OR2G6: variants seen among roughly 807,000 people sequenced by gnomAD.
OR2G6 encodes olfactory receptor 2G6.
For synonymous variants in OR2G6, 183 were observed against 155.2 expected, an observed-to-expected ratio of 1.18 and a Z score of -1.33; for missense variants, 457 against 391.3, an observed-to-expected ratio of 1.17 and a Z score of -1.42.
At chr1:248,521,013 C>T (rs1664272906) in intron 1 of OR2G6, among the ~76,000 whole-genome samples, 1 of 145,224 alleles carries the variant, frequency 6.9e-6, no homozygotes, top group Non-Finnish European at 1.5e-5. Flanking sequence ...CTGCACTCCA[C>T]CCTGGGAGAC....
At chr1:248,521,181 G>A (rs1572067265) in intron 1 of OR2G6, among the ~76,000 whole-genome samples, 1 of 151,864 alleles carries the variant, frequency 6.6e-6, no homozygotes, top group African/African-American at 2.4e-5. Flanking sequence ...AGAGATCACG[G>A]CACTGTACTC....
Position 248,522,747 on chromosome 1 carries a change from A to G in OR2G6, c.*150A>G, listed in dbSNP as rs144781518. ...GGAAACACCTCAAGGCAGCGTGAGGATTCATCCTCCCCAGACATTCCTCTT... is the reference window on the plus strand; with the variant it reads ...GGAAACACCTCAAGGCAGCGTGAGGGTTCATCCTCCCCAGACATTCCTCTT... On this transcript the variant is annotated 3_prime_UTR_variant, in exon 2 of 2. Coordinates refer to ENST00000641804, the MANE Select transcript of OR2G6 (RefSeq NM_001013355.2). The G allele has an allele frequency of 6.4e-3, 3,798 of 591,884 alleles. 126 individuals are homozygous for G. Among genetic ancestry groups the G allele is most frequent in the African/African-American group, 0.064 (3,238 of 50,962 alleles). The allele number at this position is 591,884 out of a possible 1,614,324, so 36.7% of individuals were successfully genotyped here.
chr1:248,521,212 C>T (rs1280053934), intron 1 of OR2G6, among the ~76,000 whole-genome samples: 1 of 151,856 alleles, frequency 6.6e-6, no homozygotes, highest in African/African-American at 2.4e-5. Flanking sequence ...GACAGAACGA[C>T]TCCATCTCAA....
Position 248,526,265 on chromosome 1 carries a change from T to C in OR2G6, c.*3668T>C, listed in dbSNP as rs1242808244. 6.6e-6 allele frequency: 1 copy of C among 152,112 alleles called. No individual in the cohort carries two copies. The highest frequency in any genetic ancestry group is 1.9e-4 in the East Asian group (1 of 5,186). 9.4% of individuals were successfully genotyped at this position (152,112 alleles called of 1,614,324 possible). A position where few individuals can be genotyped will look rare whatever the true frequency, so the allele number is the denominator to read the frequency against. On this transcript the variant is annotated 3_prime_UTR_variant, in exon 2 of 2. Coordinates refer to ENST00000641804, the MANE Select transcript of OR2G6 (RefSeq NM_001013355.2). ...TGGTATTGGCATAAAAACAGACACA[T>C]GGGCCAATAGAACAGAATGGAGAAC...
Position 248,522,317 on chromosome 1 carries a change from CT to C in OR2G6, c.672del (p.Val225CysfsTer2). Reference protein sequence around the residue: ...ILVSYGFITQAVLRIKSAAGR... With the variant: ...ILVSYGFITQXVLRIKSAAGR... ...GTCTCCTATGGCTTTATCACTCAAG[CT>C]GTGTTAAGGATAAAATCAGCTGCGG... On this transcript the variant is annotated frameshift_variant, in exon 2 of 2. Transcript: ENST00000641804. LOFTEE classifies it low-confidence loss of function (END_TRUNC). The C allele has an allele frequency of 6.2e-7, 1 of 1,614,200 alleles. No individual in the cohort carries two copies. Among genetic ancestry groups the C allele is most frequent in the Non-Finnish European group, 8.5e-7 (1 of 1,180,044 alleles).
At position 248,523,605 on chromosome 1, in the gene OR2G6, GAA is replaced by G. The variant is rs1206908644; in HGVS notation, c.*1010_*1011del. On this transcript the variant is annotated 3_prime_UTR_variant, in exon 2 of 2. Coordinates refer to ENST00000641804, the MANE Select transcript of OR2G6 (RefSeq NM_001013355.2). ...TGGTTTCCAAAACAGCAAAAAAAAT[GAA>G]ATATTTAGAAGCATTTTAATAAATG... The G allele has an allele frequency of 5.3e-5, 8 of 152,072 alleles. No homozygotes were observed. Among genetic ancestry groups the G allele is most frequent in the Admixed American group, 5.2e-4 (8 of 15,256 alleles). 9.4% of individuals were successfully genotyped at this position (152,072 alleles called of 1,614,324 possible).
At position 248,521,940 on chromosome 1, in the gene OR2G6, G is replaced by A; in HGVS notation, c.294G>A (p.Val98=). Residue 98 remains valine, a synonymous_variant, in exon 2 of 2, where the codon GTG becomes GTA. Transcript: ENST00000641804. ...KDKTMSYGGC[V]AQLYVAMGLG... is the part of the protein sequence containing the mutation. ...AAACCATGAGCTACGGTGGCTGTGT[G>A]GCCCAGCTCTATGTGGCCATGGGGT... 1 of 1,614,152 alleles carries A rather than the reference G, an allele frequency of 6.2e-7. No individual in the cohort carries two copies. Among genetic ancestry groups the A allele is most frequent in the Non-Finnish European group, 8.5e-7 (1 of 1,180,032 alleles).
rs1572069657 is a variant in OR2G6 at position 248,525,134 on chromosome 1, TTGAA to T, written c.*2539_*2542del. On this transcript the variant is annotated 3_prime_UTR_variant, in exon 2 of 2. Coordinates refer to ENST00000641804, the MANE Select transcript of OR2G6 (RefSeq NM_001013355.2). ...CATTTATTAAAAATCTTCCCTATAA[TTGAA>T]TAACATGAGTAGTTTCTCTTTTTTA... 1 of 152,142 alleles carries T rather than the reference TTGAA, an allele frequency of 6.6e-6. No individual in the cohort carries two copies. The highest frequency in any genetic ancestry group is 2.4e-5 in the African/African-American group (1 of 41,408). 9.4% of individuals were successfully genotyped at this position (152,142 alleles called of 1,614,324 possible). A position where few individuals can be genotyped will look rare whatever the true frequency, so the allele number is the denominator to read the frequency against.
chr1:248,521,065 A>AT (rs1664274892), intron 1 of OR2G6, among the ~76,000 whole-genome samples: 1 of 144,138 alleles, frequency 6.9e-6, no homozygotes, highest in Non-Finnish European at 1.5e-5. Flanking sequence ...AAAAAAAAAA[A>AT]TACAACAATT....
In OR2G6 at chr1:248,522,190, C is replaced by G. The variant is rs1178603372; in HGVS notation, c.544C>G (p.Pro182Ala). 1 of 1,614,166 alleles carries G rather than the reference C, an allele frequency of 6.2e-7. No individual in the cohort carries two copies. Among genetic ancestry groups the G allele is most frequent in the Admixed American group, 1.7e-5 (1 of 60,006 alleles). Residue 182 changes from proline (P) to alanine (A), a missense_variant, in exon 2 of 2, where the codon CCA (proline) becomes GCA (alanine). Physicochemically the swap from Pro to Ala is conservative, Grantham distance 27 (BLOSUM62 -1). Coordinates refer to ENST00000641804, the MANE Select transcript of OR2G6 (RefSeq NM_001013355.2). ...RTLDHIFCEV[P>A]VLIKLACVDT... ...ACTGGATCATATTTTCTGTGAGGTGCCAGTGCTCATCAAACTGGCCTGTGT... is the reference window on the plus strand; with the variant it reads ...ACTGGATCATATTTTCTGTGAGGTGGCAGTGCTCATCAAACTGGCCTGTGT...
In OR2G6 at chr1:248,521,787, A is replaced by AT; in HGVS notation, c.141_142insT (p.Val48CysfsTer40). ...TTCTGGGGAACACTGCCCTCATACT[A>AT]GTATGTTGTCTGGACTCCAGACTCC... On this transcript the variant is annotated frameshift_variant, in exon 2 of 2. Coordinates refer to ENST00000641804, the MANE Select transcript of OR2G6 (RefSeq NM_001013355.2). LOFTEE classifies it low-confidence loss of function (END_TRUNC). 6.2e-7 allele frequency: 1 copy of AT among 1,614,046 alleles called. No individual in the cohort carries two copies. Among genetic ancestry groups the AT allele is most frequent in the Non-Finnish European group, 8.5e-7 (1 of 1,179,966 alleles).
chr1:248,522,173 A>T lies in OR2G6; in HGVS notation c.527A>T (p.His176Leu). The T allele has an allele frequency of 1.2e-6, 2 of 1,614,100 alleles. No homozygotes were observed. The highest frequency in any genetic ancestry group is 3.3e-4 in the Middle Eastern group (2 of 6,062). ...LPLCGHRTLD[H>L]IFCEVPVLIK... is the part of the protein sequence containing the mutation. ...CTCTGTGGTCATCGCACACTGGATC[A>T]TATTTTCTGTGAGGTGCCAGTGCTC... Residue 176 changes from histidine (H) to leucine (L), a missense_variant, in exon 2 of 2, where the codon CAT becomes CTT. By Grantham distance (99) the His-to-Leu change is moderately conservative. Coordinates refer to ENST00000641804, the MANE Select transcript of OR2G6 (RefSeq NM_001013355.2).
chr1:248,521,438 A>G (rs1664283416), intron 1 of OR2G6, among the ~76,000 whole-genome samples, 173 bp from the exon 2 acceptor site: 1 of 152,236 alleles, frequency 6.6e-6, no homozygotes, highest in Non-Finnish European at 1.5e-5. Flanking sequence ...ACTTTATTCA[A>G]TAAAAATAGA....
rs575732547 is a variant in OR2G6 at position 248,523,731 on chromosome 1, C to T, written c.*1134C>T. ...CTCAGCCTCTTTCTTGCTTTCTTTT[C>T]CCAAAACGATTGAACTTCATCAATT... On this transcript the variant is annotated 3_prime_UTR_variant, in exon 2 of 2. Coordinates refer to ENST00000641804, the MANE Select transcript of OR2G6 (RefSeq NM_001013355.2). 1.3e-5 allele frequency: 2 copies of T among 152,196 alleles called. No homozygotes were observed. The highest frequency in any genetic ancestry group is 1.3e-4 in the Admixed American group (2 of 15,272). The allele number at this position is 152,196 out of a possible 1,614,324, so 9.4% of individuals were successfully genotyped here. A position where few individuals can be genotyped will look rare whatever the true frequency, so the allele number is the denominator to read the frequency against.
chr1:248,522,157 C>T lies in OR2G6; in HGVS notation c.511C>T (p.His171Tyr). ...CACTGTGCAGCTGCCCCTCTGTGGT[C>T]ATCGCACACTGGATCATATTTTCTG... The part of the protein sequence containing the change: ...SLTVQLPLCG[H>Y]RTLDHIFCEV... Residue 171 changes from histidine (H) to tyrosine (Y), a missense_variant, in exon 2 of 2, where the codon CAT becomes TAT. Transcript: ENST00000641804. The T allele has an allele frequency of 6.2e-7, 1 of 1,614,170 alleles. No homozygotes were observed. The highest frequency in any genetic ancestry group is 8.5e-7 in the Non-Finnish European group (1 of 1,180,030).
rs2103063805 is a variant in OR2G6 at position 248,524,592 on chromosome 1, TG to T, written c.*1997del. On this transcript the variant is annotated 3_prime_UTR_variant, in exon 2 of 2. Transcript: ENST00000641804. ...GAATATGGCCCCAGGGCAAAAGATG[TG>T]GCATTTAAAGGAAAGAAATAGCTCC... 1 of 152,306 alleles carries T rather than the reference TG, an allele frequency of 6.6e-6. No individual in the cohort carries two copies. The highest frequency in any genetic ancestry group is 1.9e-4 in the East Asian group (1 of 5,190). The allele number at this position is 152,306 out of a possible 1,614,324, so 9.4% of individuals were successfully genotyped here.
At position 248,525,183 on chromosome 1, in the gene OR2G6, CTT is replaced by C. The variant is rs1558374063; in HGVS notation, c.*2589_*2590del. ...TTTTTAAATACCTACATTGAGCATACTTTTGTTTGTGAATGCTTATAATTATG... is the reference window on the plus strand; with the variant it reads ...TTTTTAAATACCTACATTGAGCATACTTGTTTGTGAATGCTTATAATTATG... On this transcript the variant is annotated 3_prime_UTR_variant, in exon 2 of 2. Transcript: ENST00000641804. 1 of 152,026 alleles carries C rather than the reference CTT, an allele frequency of 6.6e-6. No homozygotes were observed. Among genetic ancestry groups the C allele is most frequent in the African/African-American group, 2.4e-5 (1 of 41,408 alleles). The allele number at this position is 152,026 out of a possible 1,614,324, so 9.4% of individuals were successfully genotyped here.
At chr1:248,520,234 T>C (rs1195580244) in intron 1 of OR2G6, among the ~76,000 whole-genome samples, 1 of 151,862 alleles carries the variant, frequency 6.6e-6, no homozygotes, top group Non-Finnish European at 1.5e-5. Flanking sequence ...TAAGAACACA[T>C]GGACACAGGG....
Position 248,523,099 on chromosome 1 carries a change from A to ACT in OR2G6, c.*502_*503insCT. The ACT allele has an allele frequency of 6.4e-6, 1 of 156,268 alleles. No homozygotes were observed. The allele number at this position is 156,268 out of a possible 1,614,324, so 9.7% of individuals were successfully genotyped here. ...TAACTGTTTCATAATATGTTTCCATAGCACTTGATCCACACTACCATTTCT... is the reference window on the plus strand; with the variant it reads ...TAACTGTTTCATAATATGTTTCCATACTGCACTTGATCCACACTACCATTTCT... On this transcript the variant is annotated 3_prime_UTR_variant, in exon 2 of 2. Transcript: ENST00000641804.
Sources: gnomAD v4.1 joint callset for allele counts (sites outside exome capture counted in the v4.1 genomes callset) on GRCh38, gnomAD v4.1.1 for gene constraint, MANE v1.5 for transcripts, NCBI Gene and HGNC (gene_info 2026-07-23, HGNC 2026-07-21) for gene names.